The following BRINP3 variants were observed in gnomAD, a reference collection of about 807,000 sequenced individuals.
The protein encoded by BRINP3 is BMP/retinoic acid inducible neural specific 3.
Under a neutral mutation model 71.0 loss-of-function variants are expected in BRINP3, and 19 were observed. The observed-to-expected ratio is 0.27, with a 90% CI of 0.19 to 0.39. The LOEUF (loss-of-function observed/expected upper bound fraction) is 0.39. Among genes scored for constraint, BRINP3 ranks in the 10% least tolerant of loss-of-function variants. BRINP3 has a pLI of 1.00. For missense variants in BRINP3, 959 were observed against 940.8 expected, an observed-to-expected ratio of 1.02 and a Z score of -0.25; for synonymous variants, 380 against 337.7, an observed-to-expected ratio of 1.13 and a Z score of -1.37.
rs145544720 is a variant in BRINP3, at chr1:190,356,449, T to A, written c.237-74699A>T. Among the ~76,000 whole-genome samples, 7 of 152,110 alleles carry A rather than the reference T, an allele frequency of 4.6e-5. No individual in the cohort carries two copies. The East Asian group carries it at 1.4e-3, about 29-fold the overall frequency. ...TATTAGAAAGGTAGATGAACAGCAG[T>A]ACATCCCAAACGTATTAATTTCCTA... On this transcript the variant is annotated intron_variant, in intron 2 of 7. Transcript: ENST00000367462.
chr1:190,329,722 C>T (rs892692320), intron 2 of BRINP3, among the ~76,000 whole-genome samples: 1 of 151,842 alleles, frequency 6.6e-6, no homozygotes, highest in Admixed American at 6.6e-5. Flanking sequence ...ACAAAGTCAG[C>T]GGCATCACGT....
intron 3 of BRINP3, among the ~76,000 whole-genome samples, chr1:190,281,071 T>G (rs1300562757): frequency 6.6e-6 from 1 of 151,974 alleles, no homozygotes; most frequent in Non-Finnish European, 1.5e-5. Context: ...TCATTTCTAC[T>G]TTCTTATTAT....
intron 2 of BRINP3, among the ~76,000 whole-genome samples, chr1:190,443,903 C>T (rs1331634078): frequency 6.6e-6 from 1 of 152,024 alleles, no homozygotes; most frequent in African/African-American, 2.4e-5. Context: ...TATAAACAGA[C>T]CTGATTGGGA....
At chr1:190,474,812 T>A (rs1180621609) in intron 1 of BRINP3, 1 of 151,956 alleles carries the variant, frequency 6.6e-6, no homozygotes, top group Non-Finnish European at 1.5e-5. Flanking sequence ...AGACTTAAAC[T>A]CTCTGTCACT....
intron 3 of BRINP3, among the ~76,000 whole-genome samples, chr1:190,274,577 T>C (rs1233537710): frequency 6.6e-6 from 1 of 151,738 alleles, no homozygotes; most frequent in Non-Finnish European, 1.5e-5. Context: ...ATGTAGCCTT[T>C]TGCCTCAAAA....
At chr1:190,125,248 A>G (rs1653989469) in intron 7 of BRINP3, among the ~76,000 whole-genome samples, 1 of 151,902 alleles carries the variant, frequency 6.6e-6, no homozygotes, top group Admixed American at 6.6e-5. Context: ...TAAAGAGGTA[A>G]TAGTGAACAT....
At chr1:190,286,808 C>T (rs1467363191) in intron 2 of BRINP3, among the ~76,000 whole-genome samples, 3 of 152,076 alleles carry the variant, frequency 2.0e-5, no homozygotes, top group East Asian at 1.9e-4. Flanking sequence ...ACTTTAATAA[C>T]GATAACATTC....
chr1:190,135,547 T>C (rs1654899461), intron 7 of BRINP3, among the ~76,000 whole-genome samples: 1 of 152,142 alleles, frequency 6.6e-6, no homozygotes, highest in Admixed American at 6.6e-5. Context: ...GAAATCATAA[T>C]TGTGTACATT....
At chr1:190,253,800 G>T (rs1054572117) in intron 4 of BRINP3, among the ~76,000 whole-genome samples, 2 of 151,996 alleles carry the variant, frequency 1.3e-5, no homozygotes, top group Non-Finnish European at 2.9e-5. Flanking sequence ...TTTGGCTTTT[G>T]TTGCCATTGC....
intron 2 of BRINP3, among the ~76,000 whole-genome samples, chr1:190,315,748 G>T (rs1300224817): frequency 6.6e-6 from 1 of 152,058 alleles, no homozygotes; most frequent in African/African-American, 2.4e-5. Flanking sequence ...ACTTTGGTTT[G>T]TCTCTCATGC....
At chr1:190,164,899 T>C (rs1651354417) in intron 6 of BRINP3, among the ~76,000 whole-genome samples, 1 of 152,260 alleles carries the variant, frequency 6.6e-6, no homozygotes. Flanking sequence ...AATGACATTA[T>C]TTAATTACTT....
Position 190,281,697 on chromosome 1 carries a change from A to G in BRINP3, c.290T>C (p.Leu97Pro), listed in dbSNP as rs753306014. 8.7e-6 allele frequency: 14 copies of G among 1,612,844 alleles called. No individual in the cohort carries two copies. The Admixed American group carries it at 1.0e-4, about 12-fold the overall frequency. Residue 97 changes from leucine (L) to proline (P), a missense_variant, in exon 3 of 8, where the codon CTT becomes CCT. Transcript: ENST00000367462. ...AGGGGCAAGAGGCAGAGGAGAGCCAAGGAAATTTCTTCTCTCAACTGCAAG... is the reference window on the plus strand; with the variant it reads ...AGGGGCAAGAGGCAGAGGAGAGCCAGGGAAATTTCTTCTCTCAACTGCAAG... ...NNLAVERRNF[L>P]GSPLPLAPEF...
At chr1:190,135,661 A>C (rs763913818) in intron 7 of BRINP3, among the ~76,000 whole-genome samples, 2 of 152,108 alleles carry the variant, frequency 1.3e-5, no homozygotes, top group African/African-American at 2.4e-5. Context: ...TTCTGGTAAT[A>C]GCCCCAGGCT....
chr1:190,458,526 C>T (rs1422979845), intron 1 of BRINP3, among the ~76,000 whole-genome samples: 1 of 151,968 alleles, frequency 6.6e-6, no homozygotes, highest in Non-Finnish European at 1.5e-5. Context: ...GATCATTGTA[C>T]ATTTAATTCA....
At chr1:190,327,430 T>A (rs1480739113) in intron 2 of BRINP3, among the ~76,000 whole-genome samples, 6 of 73,322 alleles carry the variant, frequency 8.2e-5, no homozygotes, top group East Asian at 4.3e-4. Context: ...TCACACATAA[T>A]AACAACCATA....
intron 2 of BRINP3, among the ~76,000 whole-genome samples, chr1:190,432,654 G>A (rs780940639): frequency 6.6e-6 from 1 of 152,158 alleles, no homozygotes; most frequent in Non-Finnish European, 1.5e-5. Flanking sequence ...AGGTGGGACT[G>A]AATTAAAGCT....
intron 2 of BRINP3, among the ~76,000 whole-genome samples, chr1:190,361,560 G>A (rs949402662): frequency 2.0e-5 from 3 of 151,762 alleles, no homozygotes; most frequent in Non-Finnish European, 2.9e-5. Flanking sequence ...ACATCACCAC[G>A]CCCAGCTAAT....
chr1:190,261,520 C>A (rs1661185006), intron 4 of BRINP3, among the ~76,000 whole-genome samples: 1 of 151,990 alleles, frequency 6.6e-6, no homozygotes, highest in African/African-American at 2.4e-5. Flanking sequence ...TAGAAACTGG[C>A]TCATAGTTAA....
At chr1:190,400,544 C>T (rs953344300) in intron 2 of BRINP3, among the ~76,000 whole-genome samples, 1 of 152,116 alleles carries the variant, frequency 6.6e-6, no homozygotes, top group Admixed American at 6.5e-5. Context: ...GAGGTTTCAG[C>T]GTGAGGTTTT....
Sources: allele counts gnomAD v4.1 joint callset (sites outside exome capture counted in the v4.1 genomes callset), GRCh38; gene constraint gnomAD v4.1.1; transcripts MANE v1.5; gene names NCBI Gene and HGNC (gene_info 2026-07-23, HGNC 2026-07-21).